The following SLC37A1 variants were observed in gnomAD, a reference collection of about 807,000 sequenced individuals.
SLC37A1 encodes solute carrier family 37 member 1.
SLC37A1 carries 49 observed loss-of-function variants against 75.3 expected under a neutral mutation model. The observed-to-expected ratio is 0.65, with a 90% CI of 0.52 to 0.83. SLC37A1 has a LOEUF of 0.83. Among genes scored for constraint, SLC37A1 ranks in the 40% least tolerant of loss-of-function variants. The pLI, the probability that SLC37A1 is intolerant of heterozygous loss-of-function variation, is 0.00. For missense variants in SLC37A1, 566 were observed against 695.0 expected (o/e 0.81, Z 2.09); for synonymous variants, 268 against 292.1 (o/e 0.92, Z 0.84).
chr21:42,570,075 G>GCGACACACGGCC, intron 17 of SLC37A1, among the ~76,000 whole-genome samples: 2 of 145,670 alleles, frequency 1.4e-5, no homozygotes, highest in African/African-American at 2.6e-5. Context: ...CCGTTGCCAT[G>GCGACACACGGCC]TCATGCGACA....
At chr21:42,565,690 C>CA (rs2055958439) in intron 14 of SLC37A1, 137 bp from the exon 15 acceptor site, 1 of 727,140 alleles carries the variant, frequency 1.4e-6, no homozygotes, top group African/African-American at 1.8e-5. Flanking sequence ...GCGTGGCCGT[C>CA]ACGCTTTTTT....
At chr21:42,517,572 G>A (rs62215905) in intron 1 of SLC37A1, among the ~76,000 whole-genome samples, 5,752 of 152,328 alleles carry the variant, frequency 0.038, 193 homozygotes, top group Non-Finnish European at 0.058. Flanking sequence ...AGTGACTCAG[G>A]AATGTCATGA....
Position 42,548,834 on chromosome 21 carries a change from G to A in SLC37A1, c.768+1694G>A, listed in dbSNP as rs551245198. On this transcript the variant is annotated intron_variant, in intron 9 of 19. Transcript: ENST00000352133. The surrounding 1 kb of genome is among the most constrained non-coding windows in gnomAD (Gnocchi z 5.6). ...CCCCTCGGGCCTGGATCATCACTGG[G>A]TCCCGGCACCTGGGGCAGCACCTGG... Among the ~76,000 whole-genome samples, 9 of 152,292 alleles carry A rather than the reference G, an allele frequency of 5.9e-5. No individual in the cohort carries two copies. The highest frequency in any genetic ancestry group is 1.9e-4 in the African/African-American group (8 of 41,564).
rs79255104 is a variant in SLC37A1 at position 42,548,462 on chromosome 21, C to T, written c.768+1322C>T. ...GACCCGAGGAGCCAGCCCAACACCC[C>T]CTCCCTTCAGCCCCGCACCCCATCC... On this transcript the variant is annotated intron_variant, in intron 9 of 19. Coordinates refer to ENST00000352133, the MANE Select transcript of SLC37A1 (RefSeq NM_001320537.2). The surrounding 1 kb of genome is among the most constrained non-coding windows in gnomAD (Gnocchi z 5.6). Among the ~76,000 whole-genome samples, 8 of 152,132 alleles carry T rather than the reference C, an allele frequency of 5.3e-5. No homozygotes were observed. In the South Asian group the frequency reaches 1.7e-3, roughly 32 times the overall value.
At position 42,543,463 on chromosome 21, in the gene SLC37A1, C is replaced by T; in HGVS notation, c.591C>T (p.Asn197=). Residue 197 remains asparagine, a synonymous_variant, in exon 8 of 20, where the codon AAC becomes AAT. Coordinates refer to ENST00000352133, the MANE Select transcript of SLC37A1 (RefSeq NM_001320537.2). ...GRRGLIMGVW[N]SHTSVGNILG... is the part of the protein sequence containing the mutation. ...GAGGTTTGATTATGGGGGTCTGGAA[C>T]TCCCACACCTCCGTGGGCAACATCT... 6.2e-7 allele frequency: 1 copy of T among 1,614,174 alleles called. No homozygotes were observed. Among genetic ancestry groups the T allele is most frequent in the Non-Finnish European group, 8.5e-7 (1 of 1,180,016 alleles).
Position 42,518,507 on chromosome 21 carries a change from A to G in SLC37A1, c.53A>G (p.Gln18Arg). The G allele has an allele frequency of 6.2e-7, 1 of 1,614,100 alleles. No individual in the cohort carries two copies. The change falls in exon 2 of 20, where the codon CAG becomes CGG. Residue 18 changes from glutamine to arginine, a missense_variant. Physicochemically the swap from Gln to Arg is conservative, Grantham distance 43. Transcript: ENST00000352133. The stretch of plus-strand genomic sequence containing the variant: ...TTCATCATCTCATTCTCCAGGGATC[A>G]GTGGTGAGTCCTGGTGGGGCAGGCC... ...IRFIISFSRD[Q>R]WYRAFIFILT... is the part of the protein sequence containing the mutation.
chr21:42,549,360 G>C (rs228087), intron 9 of SLC37A1, among the ~76,000 whole-genome samples: 68,237 of 152,028 alleles, frequency 0.45, 16,376 homozygotes, highest in Admixed American at 0.61. Flanking sequence ...TCTGCTCCTC[G>C]TGTGTATGAG....
intron 5 of SLC37A1, among the ~76,000 whole-genome samples, chr21:42,538,775 C>T (rs1219665995): frequency 1.3e-5 from 2 of 152,184 alleles, no homozygotes; most frequent in African/African-American, 4.8e-5. Context: ...AGACTTTTTA[C>T]CACCCCCCTC....
At chr21:42,573,329 C>T (rs1325087396) in intron 17 of SLC37A1, among the ~76,000 whole-genome samples, 1 of 90,664 alleles carries the variant, frequency 1.1e-5, no homozygotes, top group Non-Finnish European at 2.3e-5. Context: ...TGCGTTCCTC[C>T]TTCCTTGCCT....
chr21:42,573,531 G>T (rs2056238033), intron 17 of SLC37A1, among the ~76,000 whole-genome samples: 1 of 152,038 alleles, frequency 6.6e-6, no homozygotes, highest in African/African-American at 2.4e-5. Flanking sequence ...AGTCAGTGAT[G>T]GCGCAGTTCA....
chr21:42,526,619 G>A (rs950554256), intron 3 of SLC37A1, among the ~76,000 whole-genome samples: 3 of 152,158 alleles, frequency 2.0e-5, no homozygotes, highest in Non-Finnish European at 2.9e-5. Flanking sequence ...TGAGCCCTGG[G>A]TGGCTGCCCT....
At chr21:42,562,231 G>C in intron 12 of SLC37A1, 63 bp downstream of exon 12, 1 of 1,436,320 alleles carries the variant, frequency 7.0e-7, no homozygotes, top group South Asian at 1.1e-5. Context: ...AGTCTCTTCT[G>C]TCTGCTGGTT....
intron 2 of SLC37A1, among the ~76,000 whole-genome samples, chr21:42,504,989 CT>C (rs1373384656): frequency 6.6e-6 from 1 of 152,176 alleles, no homozygotes; most frequent in Non-Finnish European, 1.5e-5. Context: ...AATCCATCTA[CT>C]TTTTTCCATT....
intron 8 of SLC37A1, 33 bp downstream of exon 8, chr21:42,543,635 A>C (rs763017620): frequency 2.4e-5 from 38 of 1,553,334 alleles, no homozygotes; most frequent in Non-Finnish European, 3.3e-5. Context: ...ACCACCCACC[A>C]AGGGAGGCCT....
intron 2 of SLC37A1, among the ~76,000 whole-genome samples, chr21:42,520,007 TAC>T (rs991943639): frequency 6.6e-6 from 1 of 151,748 alleles, no homozygotes; most frequent in African/African-American, 2.4e-5. Flanking sequence ...TGTATGTTTG[TAC>T]ACACACACTT....
chr21:42,561,828 G>GC lies in SLC37A1; in HGVS notation c.982-246dup, dbSNP rs2055837774. On this transcript the variant is annotated intron_variant, in intron 11 of 19. Coordinates refer to ENST00000352133, the MANE Select transcript of SLC37A1 (RefSeq NM_001320537.2). ...CAGTGGCCGAGGAGCTGCAGCTGGG[G>GC]CCCCACCCTTCTCAGAGGCCCCGCC... 6.5e-6 allele frequency: 3 copies of GC among 465,028 alleles called. No homozygotes were observed. The East Asian group carries it at 1.0e-4, about 16-fold the overall frequency. 28.8% of individuals were successfully genotyped at this position (465,028 alleles called of 1,614,324 possible).
intron 3 of SLC37A1, among the ~76,000 whole-genome samples, chr21:42,527,913 G>C (rs975586174): frequency 6.6e-6 from 1 of 152,144 alleles, no homozygotes; most frequent in African/African-American, 2.4e-5. Context: ...CTTCTGAAGC[G>C]CCCGTGTGCT....
intron 2 of SLC37A1, chr21:42,508,620 T>C (rs1432110689): frequency 1.3e-5 from 2 of 152,238 alleles, no homozygotes; most frequent in Non-Finnish European, 2.9e-5. Context: ...GGCAACAAGT[T>C]AGCCCCAGAG....
At chr21:42,500,300 C>T (rs1181500492) in intron 1 of SLC37A1, among the ~76,000 whole-genome samples, 3 of 152,158 alleles carry the variant, frequency 2.0e-5, no homozygotes, top group Non-Finnish European at 4.4e-5. Flanking sequence ...GTTCTATCTA[C>T]ATGTAGAATC....
Sources: gnomAD v4.1 joint callset for allele counts (sites outside exome capture counted in the v4.1 genomes callset) on GRCh38, gnomAD v4.1.1 for gene constraint, Gnocchi (gnomAD v3.1) non-coding constraint, MANE v1.5 for transcripts, NCBI Gene and HGNC (gene_info 2026-07-23, HGNC 2026-07-21) for gene names.